The following ITPR1 variants were observed in gnomAD, a reference collection of about 807,000 sequenced individuals.
ITPR1 encodes the protein inositol 1,4,5-trisphosphate-gated calcium channel ITPR1.
A neutral mutation model predicts 318.4 loss-of-function variants in ITPR1; 96 were observed. The observed-to-expected ratio is 0.30, with a 90% CI of 0.26 to 0.36. ITPR1 has a LOEUF of 0.36. Among genes scored for constraint, ITPR1 ranks in the 10% least tolerant of loss-of-function variants. The pLI is 1.00. For synonymous variants in ITPR1, 1,312 were observed against 1,289.9 expected (o/e 1.02, Z -0.37); for missense variants, 2,440 against 3,460.2 (o/e 0.71, Z 7.40).
At chr3:4,831,945 C>T (rs1015527309) in intron 60 of ITPR1, among the ~76,000 whole-genome samples, 1 of 152,200 alleles carries the variant, frequency 6.6e-6, no homozygotes, top group Non-Finnish European at 1.5e-5. Flanking sequence ...TGGTGGGGAA[C>T]CTTATACCAC....
chr3:4,551,667 C>T (rs1198343072), intron 4 of ITPR1, among the ~76,000 whole-genome samples: 1 of 152,208 alleles, frequency 6.6e-6, no homozygotes, highest in Non-Finnish European at 1.5e-5. Context: ...ACTATATTTA[C>T]AGCATGTGTT....
intron 5 of ITPR1, among the ~76,000 whole-genome samples, chr3:4,637,768 A>G (rs1393136999): frequency 6.6e-6 from 1 of 152,252 alleles, no homozygotes; most frequent in South Asian, 2.1e-4. Context: ...CATTTTTCTC[A>G]AAAGATGTGC....
chr3:4,740,187 AC>A (rs1306815658), intron 44 of ITPR1, among the ~76,000 whole-genome samples: 5 of 152,112 alleles, frequency 3.3e-5, no homozygotes, highest in African/African-American at 9.6e-5. Flanking sequence ...CTTCCTCACC[AC>A]CACCCCCATT....
intron 10 of ITPR1, among the ~76,000 whole-genome samples, chr3:4,647,383 A>T (rs886720180): frequency 6.6e-6 from 1 of 152,184 alleles, no homozygotes; most frequent in Non-Finnish European, 1.5e-5. Flanking sequence ...TTCTGTATGG[A>T]TGTAACTTTT....
In ITPR1 at chr3:4,681,329, T is replaced by G. The variant is rs1357957982; in HGVS notation, c.3107-35T>G. Reference sequence around the variant, plus strand: ...TCACCAGCAGCATGTTTGCAGACCTTCCTGCATCTGAAGTGGTATGTTCTA... The same window carrying G: ...TCACCAGCAGCATGTTTGCAGACCTGCCTGCATCTGAAGTGGTATGTTCTA... On this transcript the variant is annotated intron_variant, in intron 25 of 61. Transcript: ENST00000649015. 5.2e-6 allele frequency: 8 copies of G among 1,526,166 alleles called. No homozygotes were observed. The Middle Eastern group carries it at 5.1e-4, about 97-fold the overall frequency. The allele number at this position is 1,526,166 out of a possible 1,614,324, so 94.5% of individuals were successfully genotyped here. A position where few individuals can be genotyped will look rare whatever the true frequency, so the allele number is the denominator to read the frequency against.
chr3:4,609,578 C>T (rs1003886442), intron 4 of ITPR1, among the ~76,000 whole-genome samples: 1 of 151,922 alleles, frequency 6.6e-6, no homozygotes, highest in Admixed American at 6.5e-5. Flanking sequence ...CACACGTGGT[C>T]GGGGCTGGAT....
rs61757106 is a variant in ITPR1, at chr3:4,669,693, C to G, written c.1926C>G (p.Asn642Lys). 6.2e-7 allele frequency: 1 copy of G among 1,613,158 alleles called. No individual in the cohort carries two copies. Among genetic ancestry groups the G allele is most frequent in the Admixed American group, 1.7e-5 (1 of 60,006 alleles). ...TCTCCGACCTCTGTGTCTCCATGAA[C>G]AAATCAATTCCAGTGACCCAGGAAC... ...DYLSDLCVSM[N>K]KSIPVTQELI... Residue 642 changes from asparagine (N) to lysine (K), a missense_variant, in exon 19 of 62, where the codon AAC (asparagine) becomes AAG (lysine). By Grantham distance (94) the Asn-to-Lys change is moderately conservative. Coordinates refer to ENST00000649015, the MANE Select transcript of ITPR1 (RefSeq NM_001378452.1).
intron 60 of ITPR1, among the ~76,000 whole-genome samples, chr3:4,820,203 A>C (rs1052421545): frequency 5.3e-5 from 8 of 152,316 alleles, no homozygotes; most frequent in Admixed American, 3.9e-4. Context: ...ATCAGCATTT[A>C]TACTGACACA....
rs1025010544 is a variant in ITPR1 at position 4,603,100 on chromosome 3, A to G, written c.164-24663A>G. 2.0e-5 allele frequency among the ~76,000 whole-genome samples: 3 copies of G among 152,188 alleles called. No homozygotes were observed. In the South Asian group the frequency reaches 6.2e-4, roughly 32 times the overall value. On this transcript the variant is annotated intron_variant, in intron 4 of 61. Coordinates refer to ENST00000649015, the MANE Select transcript of ITPR1 (RefSeq NM_001378452.1). Reference sequence around the variant, plus strand: ...CATCAAATAAAATAATAAAACATCCACTTTTGACTACAAAACAAGTGAAAA... The same window carrying G: ...CATCAAATAAAATAATAAAACATCCGCTTTTGACTACAAAACAAGTGAAAA...
intron 16 of ITPR1, among the ~76,000 whole-genome samples, chr3:4,664,559 A>G (rs891227789): frequency 1.3e-5 from 2 of 152,252 alleles, no homozygotes; most frequent in African/African-American, 4.8e-5. Flanking sequence ...TTCCAGTTCA[A>G]GAGTAAATGT....
chr3:4,688,712 T>G, intron 31 of ITPR1, 92 bp downstream of exon 31: 1 of 1,276,154 alleles, frequency 7.8e-7, no homozygotes, highest in Non-Finnish European at 1.1e-6. Context: ...TTGTGGCTTC[T>G]GGGGCTTGTT....
chr3:4,749,838 C>G (rs1375419806), intron 44 of ITPR1: 2 of 152,710 alleles, frequency 1.3e-5, no homozygotes, highest in Non-Finnish European at 2.9e-5. Context: ...TTAACCACCC[C>G]TAACAAAGAC....
At chr3:4,661,208 A>G in intron 14 of ITPR1, 121 bp downstream of exon 14, 1 of 559,674 alleles carries the variant, frequency 1.8e-6, no homozygotes. Context: ...GAGTGTGGTC[A>G]TGGCCGAACT....
At position 4,535,780 on chromosome 3, in the gene ITPR1, T is replaced by TA. The variant is rs372359100; in HGVS notation, c.163+14689dup. Among the ~76,000 whole-genome samples, 283 of 152,280 alleles carry TA rather than the reference T, an allele frequency of 1.9e-3. 1 individual carries two copies. Among genetic ancestry groups the TA allele is most frequent in the African/African-American group, 6.6e-3 (274 of 41,562 alleles). ...TTTTCTCTCCAAAATCTGGGCATTT[T>TA]AAAGCAACTAATTTCTAGACTCTTG... On this transcript the variant is annotated intron_variant, in intron 4 of 61. Coordinates refer to ENST00000649015, the MANE Select transcript of ITPR1 (RefSeq NM_001378452.1).
chr3:4,721,838 A>G (rs1345492516), intron 40 of ITPR1, among the ~76,000 whole-genome samples: 1 of 152,230 alleles, frequency 6.6e-6, no homozygotes, highest in Non-Finnish European at 1.5e-5. Context: ...TGTGATAGGC[A>G]CACATGAAGC....
At chr3:4,809,209 T>A (rs998418405) in intron 55 of ITPR1, among the ~76,000 whole-genome samples, 8 of 152,210 alleles carry the variant, frequency 5.3e-5, no homozygotes, top group Admixed American at 1.3e-4. Context: ...AGGCAAAATG[T>A]TTCTCTTATA....
intron 4 of ITPR1, among the ~76,000 whole-genome samples, chr3:4,523,334 T>C (rs1192660220): frequency 1.3e-5 from 2 of 152,206 alleles, no homozygotes; most frequent in Non-Finnish European, 2.9e-5. Context: ...AATCGACATA[T>C]ATTTATGGTG....
At chr3:4,766,764 T>A in intron 45 of ITPR1, 54 bp downstream of exon 45, 1 of 1,384,574 alleles carries the variant, frequency 7.2e-7, no homozygotes, top group Non-Finnish European at 9.8e-7. Flanking sequence ...GAAGAGTCCT[T>A]GTTATCCTTC....
intron 37 of ITPR1, among the ~76,000 whole-genome samples, chr3:4,707,346 G>A (rs548054083): frequency 6.6e-6 from 1 of 152,314 alleles, no homozygotes; most frequent in Non-Finnish European, 1.5e-5. Flanking sequence ...TTGACACCTT[G>A]CTCACTCGCA....
Sources: allele counts gnomAD v4.1 joint callset (sites outside exome capture counted in the v4.1 genomes callset), GRCh38; gene constraint gnomAD v4.1.1; transcripts MANE v1.5; gene names NCBI Gene and HGNC (gene_info 2026-07-23, HGNC 2026-07-21).